Variants in MAD1L1 observed in about 807,000 individuals in gnomAD.
MAD1L1 encodes the protein mitotic arrest deficient 1 like 1, also known as mitotic spindle assembly checkpoint protein MAD1.
MAD1L1 carries 95 observed loss-of-function variants against 96.9 expected under a neutral mutation model. The ratio of observed to expected loss-of-function variants is 0.98; its 90% CI spans 0.83 to 1.16. The LOEUF is 1.16. Ranked by LOEUF, MAD1L1 falls within the 50% of genes most tolerant of loss-of-function variation. MAD1L1 has a pLI of 0.00. For missense variants in MAD1L1, 1,007 were observed against 954.4 expected, an observed-to-expected ratio of 1.06 and a Z score of -0.73; for synonymous variants, 473 against 396.6, an observed-to-expected ratio of 1.19 and a Z score of -2.29.
At chr7:1,997,877 G>A (rs1181901196) in intron 14 of MAD1L1, among the ~76,000 whole-genome samples, 3 of 152,184 alleles carry the variant, frequency 2.0e-5, no homozygotes, top group Non-Finnish European at 4.4e-5. Flanking sequence ...CCCTCCTCTC[G>A]TCCCTCGGGA....
intron 12 of MAD1L1, among the ~76,000 whole-genome samples, chr7:2,027,051 C>G (rs1366786243): frequency 1.3e-5 from 2 of 151,490 alleles, no homozygotes; most frequent in South Asian, 2.1e-4. Flanking sequence ...CTAGAGATCA[C>G]AAAAATATTA....
chr7:1,855,882 C>T (rs952507247), intron 18 of MAD1L1, among the ~76,000 whole-genome samples: 3 of 152,178 alleles, frequency 2.0e-5, no homozygotes, highest in African/African-American at 7.2e-5. Flanking sequence ...TTGCGTCCAG[C>T]TGCTGGAACC....
At chr7:2,225,663 G>A in intron 3 of MAD1L1, 113 bp from the exon 4 acceptor site, 1 of 1,210,752 alleles carries the variant, frequency 8.3e-7, no homozygotes, top group Non-Finnish European at 1.2e-6. Flanking sequence ...CAGGTCCCGT[G>A]CTAAGTCTTG....
At chr7:2,062,147 C>T (rs111243376) in intron 12 of MAD1L1, among the ~76,000 whole-genome samples, 19,788 of 151,158 alleles carry the variant, frequency 0.13, 1,830 homozygotes, top group African/African-American at 0.26. Flanking sequence ...GAGGCTGAGG[C>T]GAGAGAATGG....
chr7:2,015,946 A>C (rs955311075), intron 12 of MAD1L1, among the ~76,000 whole-genome samples: 1 of 152,228 alleles, frequency 6.6e-6, no homozygotes, highest in Non-Finnish European at 1.5e-5. Context: ...GAGGATGAGG[A>C]TGCTGGGGTA....
chr7:1,894,915 G>A (rs542288072), intron 18 of MAD1L1, among the ~76,000 whole-genome samples: 1 of 152,116 alleles, frequency 6.6e-6, no homozygotes, highest in Non-Finnish European at 1.5e-5. Flanking sequence ...ACCCAGCAGT[G>A]GGGGAGAAAC....
intron 15 of MAD1L1, among the ~76,000 whole-genome samples, chr7:1,972,603 A>AG (rs1780454298): frequency 3.5e-4 from 2 of 5,708 alleles, no homozygotes; most frequent in Non-Finnish European, 2.4e-3. Flanking sequence ...AATTTTATTG[A>AG]ATTTTTTTTC....
At chr7:1,971,254 T>C (rs1780392520) in intron 15 of MAD1L1, among the ~76,000 whole-genome samples, 1 of 152,224 alleles carries the variant, frequency 6.6e-6, no homozygotes, top group African/African-American at 2.4e-5. Context: ...CTGGGGGCTG[T>C]TGCCGTCACC....
At chr7:2,098,590 TCAAA>T (rs892798999) in intron 11 of MAD1L1, among the ~76,000 whole-genome samples, 2 of 151,996 alleles carry the variant, frequency 1.3e-5, no homozygotes, top group African/African-American at 4.8e-5. Context: ...GACGGCCCCC[TCAAA>T]CAAATGGGCA....
chr7:2,190,642 C>A (rs754253383), intron 10 of MAD1L1, among the ~76,000 whole-genome samples: 4 of 152,124 alleles, frequency 2.6e-5, no homozygotes, highest in Non-Finnish European at 4.4e-5. Context: ...GGGGAAAAGA[C>A]TTTGAAAAGA....
chr7:2,155,893 G>A (rs897060933), intron 10 of MAD1L1, among the ~76,000 whole-genome samples: 1 of 152,078 alleles, frequency 6.6e-6, no homozygotes, highest in Admixed American at 6.6e-5. Context: ...CACTGTGGCT[G>A]CACCAACTTA....
intron 18 of MAD1L1, among the ~76,000 whole-genome samples, chr7:1,882,573 T>A (rs1461546871): frequency 6.6e-6 from 1 of 152,194 alleles, no homozygotes; most frequent in African/African-American, 2.4e-5. Context: ...AACTACTTCC[T>A]ATCAGCAACA....
chr7:2,024,039 G>A (rs1295268375), intron 12 of MAD1L1, among the ~76,000 whole-genome samples: 1 of 150,158 alleles, frequency 6.7e-6, no homozygotes, highest in Non-Finnish European at 1.5e-5. Context: ...GAACTCCATA[G>A]AGAAAAACCA....
chr7:1,843,165 G>A (rs962942935), intron 18 of MAD1L1, among the ~76,000 whole-genome samples: 1 of 152,152 alleles, frequency 6.6e-6, no homozygotes, highest in Non-Finnish European at 1.5e-5. Context: ...TTAGGGTCTG[G>A]GTGCCCTCGT....
intron 16 of MAD1L1, among the ~76,000 whole-genome samples, chr7:1,942,327 A>G (rs1779039485): frequency 2.0e-5 from 3 of 152,196 alleles, no homozygotes; most frequent in African/African-American, 7.2e-5. Context: ...GCTCCAGGTG[A>G]GACAGGACCG....
At chr7:2,092,154 C>T (rs1355837019) in intron 11 of MAD1L1, among the ~76,000 whole-genome samples, 2 of 152,176 alleles carry the variant, frequency 1.3e-5, no homozygotes, top group Non-Finnish European at 2.9e-5. Flanking sequence ...CATTTAGTGC[C>T]GTCAGTGATC....
intron 10 of MAD1L1, among the ~76,000 whole-genome samples, chr7:2,149,854 G>A (rs1164501162): frequency 2.6e-5 from 4 of 152,192 alleles, no homozygotes; most frequent in African/African-American, 4.8e-5. Flanking sequence ...CTAACTCAAC[G>A]CTGGGACTCC....
intron 11 of MAD1L1, among the ~76,000 whole-genome samples, chr7:2,128,788 T>A (rs1035524211): frequency 3.3e-5 from 5 of 152,154 alleles, no homozygotes; most frequent in African/African-American, 4.8e-5. Flanking sequence ...AGAAGGTTCA[T>A]TCGGCCACCC....
intron 12 of MAD1L1, among the ~76,000 whole-genome samples, chr7:2,054,892 C>T (rs182212229): frequency 5.9e-4 from 90 of 152,328 alleles, no homozygotes; most frequent in African/African-American, 1.9e-3. Flanking sequence ...GGAACACATG[C>T]GGTACTCAGG....
Sources: gnomAD v4.1 joint callset for allele counts (sites outside exome capture counted in the v4.1 genomes callset) on GRCh38, gnomAD v4.1.1 for gene constraint, MANE v1.5 for transcripts, NCBI Gene and HGNC (gene_info 2026-07-23, HGNC 2026-07-21) for gene names.